LRP6: variants seen among roughly 807,000 people sequenced by gnomAD.
LRP6 encodes the protein low-density lipoprotein receptor-related protein 6.
Under a neutral mutation model 184.1 loss-of-function variants are expected in LRP6, and 43 were observed. That is an observed-to-expected ratio of 0.23 (90% confidence interval 0.18 to 0.30). LRP6 has a LOEUF of 0.30. Ranked by LOEUF, LRP6 falls within the 10% of genes least tolerant of loss-of-function variation. LRP6 has a pLI of 1.00. For synonymous variants in LRP6, 719 were observed against 684.9 expected (o/e 1.05, Z -0.78); for missense variants, 1,571 against 2,005.3 (o/e 0.78, Z 4.14).
At chr12:12,254,939 C>T (rs971095863) in intron 1 of LRP6, among the ~76,000 whole-genome samples, 2 of 152,146 alleles carry the variant, frequency 1.3e-5, no homozygotes, top group Admixed American at 6.5e-5. Flanking sequence ...TTTATAGTCT[C>T]AAGAGGCATT....
intron 13 of LRP6, 94 bp from the exon 14 acceptor site, chr12:12,149,247 A>G: frequency 1.1e-6 from 1 of 932,892 alleles, no homozygotes; most frequent in African/African-American, 1.6e-5. Flanking sequence ...ATGGGCACAC[A>G]GCTGAGAAGG....
chr12:12,257,010 C>A (rs935039087), intron 1 of LRP6, among the ~76,000 whole-genome samples: 1 of 152,114 alleles, frequency 6.6e-6, no homozygotes, highest in Non-Finnish European at 1.5e-5. Flanking sequence ...AAGCTAGACA[C>A]AAAAGGCCAC....
At chr12:12,257,690 G>C (rs186731384) in intron 1 of LRP6, among the ~76,000 whole-genome samples, 1,351 of 129,266 alleles carry the variant, frequency 0.01, 9 homozygotes, top group Non-Finnish European at 0.014. Flanking sequence ...GCCTGTAATC[G>C]CAAGCACTTT....
intron 2 of LRP6, among the ~76,000 whole-genome samples, chr12:12,233,509 G>A (rs1864845368): frequency 6.6e-6 from 1 of 152,048 alleles, no homozygotes; most frequent in African/African-American, 2.4e-5. Flanking sequence ...AAAAATCTGG[G>A]ATATTCTATA....
rs753835416 is a variant in LRP6 at position 12,131,948 on chromosome 12, A to G, written c.3843T>C (p.Asp1281=). The G allele has an allele frequency of 2.5e-6, 4 of 1,614,054 alleles. No individual in the cohort carries two copies. Among genetic ancestry groups the G allele is most frequent in the Non-Finnish European group, 3.4e-6 (4 of 1,180,010 alleles). ...DGFTECEDHS[D]ELNCPVCSES... is the part of the protein sequence containing the mutation. ...CTGAGCATACAGGACAATTGAGTTC[A>G]TCACTGTGGTCTTCACATTCAGTAA... The change falls in exon 18 of 23, where the codon GAT becomes GAC. Residue 1281 remains aspartate (D), a synonymous_variant. Coordinates refer to ENST00000261349, the MANE Select transcript of LRP6 (RefSeq NM_002336.3).
At chr12:12,183,306 G>C (rs1033829762) in intron 5 of LRP6, among the ~76,000 whole-genome samples, 1 of 152,184 alleles carries the variant, frequency 6.6e-6, no homozygotes, top group Non-Finnish European at 1.5e-5. Context: ...ATAGGGGTGA[G>C]AATGAAGAAT....
chr12:12,167,392 C>T (rs55924356), intron 7 of LRP6, among the ~76,000 whole-genome samples: 2,647 of 152,178 alleles, frequency 0.017, 55 homozygotes, highest in Non-Finnish European at 0.027. Flanking sequence ...GCCTGTAATC[C>T]CAGCATTTTG....
Position 12,159,992 on chromosome 12 carries a change from AT to A in LRP6, c.2280-29del, listed in dbSNP as rs1415513909. On this transcript the variant is annotated intron_variant, in intron 10 of 22. Transcript: ENST00000261349. ...AAATTCAAAATAATAAATATTTAAC[AT>A]TTCAATTTTTTATTATCTGGGGGAA... 2.0e-6 allele frequency: 3 copies of A among 1,515,094 alleles called. No individual in the cohort carries two copies. The African/African-American group carries it at 4.2e-5, about 21-fold the overall frequency. 93.9% of individuals were successfully genotyped at this position (1,515,094 alleles called of 1,614,324 possible).
intron 10 of LRP6, among the ~76,000 whole-genome samples, chr12:12,161,346 C>T (rs1248317265): frequency 2.0e-5 from 3 of 152,182 alleles, no homozygotes; most frequent in African/African-American, 7.2e-5. Flanking sequence ...CGGCTCACTG[C>T]AACCTCCACC....
intron 15 of LRP6, among the ~76,000 whole-genome samples, chr12:12,141,562 A>C (rs1949934386): frequency 6.6e-6 from 1 of 152,180 alleles, no homozygotes; most frequent in Non-Finnish European, 1.5e-5. Context: ...GAAAACCAGA[A>C]GAAATGGAGT....
chr12:12,246,822 C>A (rs1055848455), intron 1 of LRP6, among the ~76,000 whole-genome samples: 1 of 152,134 alleles, frequency 6.6e-6, no homozygotes, highest in Admixed American at 6.5e-5. Flanking sequence ...TTACTCCAAT[C>A]TCAAAAAAGT....
chr12:12,244,336 A>G lies in LRP6; in HGVS notation c.375T>C (p.Asp125=), dbSNP rs778708026. 18 of 1,614,102 alleles carry G rather than the reference A, an allele frequency of 1.1e-5. No individual in the cohort carries two copies. The highest frequency in any genetic ancestry group is 2.7e-5 in the African/African-American group (2 of 74,940). ...ETNRIEVSNL[D]GSLRKVLFWQ... ...AAAATAAAACTTTTCGTAAAGATCC[A>G]TCTAAATTAGAAACTTCAATCCGAT... is the stretch of plus-strand genomic sequence containing the variant. Residue 125 remains aspartate (D), a synonymous_variant, in exon 2 of 23, where the codon GAT becomes GAC. Coordinates refer to ENST00000261349, the MANE Select transcript of LRP6 (RefSeq NM_002336.3).
In LRP6 at chr12:12,150,861, C is replaced by T. The variant is rs756936124; in HGVS notation, c.2969G>A (p.Arg990Gln). 29 of 1,613,808 alleles carry T rather than the reference C, an allele frequency of 1.8e-5. No individual in the cohort carries two copies. The highest frequency in any genetic ancestry group is 4.0e-5 in the African/African-American group (3 of 74,904). ...YWIDSRQNMIRKAQEDGSQGF... is the reference protein window; with the variant it reads ...YWIDSRQNMIQKAQEDGSQGF... ...CTGGCTGCCATCTTCTTGTGCCTTT[C>T]GGATCATGTTTTGTCGTGAGTCAAT... The change falls in exon 13 of 23, where the codon CGA becomes CAA. Residue 990 changes from arginine to glutamine, a missense_variant. Around this residue, in one of 4 missense-constraint regions of LRP6, gnomAD observed 763 missense variants for 859.5 expected, o/e 0.89. Coordinates refer to ENST00000261349, the MANE Select transcript of LRP6 (RefSeq NM_002336.3).
At chr12:12,264,168 A>C (rs564817141) in intron 1 of LRP6, among the ~76,000 whole-genome samples, 1 of 152,292 alleles carries the variant, frequency 6.6e-6, no homozygotes, top group East Asian at 1.9e-4. Context: ...TGTGAACGTT[A>C]TACAAATTAA....
At chr12:12,257,726 TGAGCCCAGGAATTC>T (rs955812904) in intron 1 of LRP6, among the ~76,000 whole-genome samples, 3 of 123,306 alleles carry the variant, frequency 2.4e-5, no homozygotes, top group African/African-American at 9.0e-5. Flanking sequence ...GAGGATCACT[TGAGCCCAGGAATTC>T]GAGACCAGTC....
At chr12:12,232,165 C>T (rs184793956) in intron 2 of LRP6, among the ~76,000 whole-genome samples, 10 of 151,858 alleles carry the variant, frequency 6.6e-5, no homozygotes, top group Middle Eastern at 6.8e-3. Context: ...GGGCAGATCA[C>T]GAGGTCAGGA....
intron 7 of LRP6, among the ~76,000 whole-genome samples, chr12:12,171,464 G>GTGCACCGAGACTGTGCCAC (rs1349163213): frequency 2.6e-5 from 4 of 151,954 alleles, no homozygotes; most frequent in African/African-American, 9.7e-5. Context: ...GGAGCTTGCA[G>GTGCACCGAGACTGTGCCAC]TGCACCGAGA....
At chr12:12,156,156 G>A (rs1317930796) in intron 12 of LRP6, among the ~76,000 whole-genome samples, 1 of 152,170 alleles carries the variant, frequency 6.6e-6, no homozygotes, top group Non-Finnish European at 1.5e-5. Context: ...AAGGGGCACT[G>A]GCACGTTGGA....
chr12:12,132,843 T>C (rs1227036200), intron 17 of LRP6, among the ~76,000 whole-genome samples: 1 of 152,212 alleles, frequency 6.6e-6, no homozygotes, highest in Non-Finnish European at 1.5e-5. Flanking sequence ...GCATTTGTTT[T>C]GAGTTGTAAA....
Sources: gnomAD v4.1 joint callset for allele counts (sites outside exome capture counted in the v4.1 genomes callset) on GRCh38, gnomAD v4.1.1 for gene constraint, gnomAD v4.1.1 regional missense constraint, MANE v1.5 for transcripts, NCBI Gene and HGNC (gene_info 2026-07-23, HGNC 2026-07-21) for gene names.